LRRTM4: variants seen among roughly 807,000 people sequenced by gnomAD.
The protein encoded by LRRTM4 is leucine rich repeat transmembrane neuronal 4.
A neutral mutation model predicts 47.6 loss-of-function variants in LRRTM4; 25 were observed. The observed-to-expected ratio is 0.53, with a 90% CI of 0.38 to 0.73. The LOEUF is 0.73. Ranked by LOEUF, LRRTM4 falls within the 30% of genes least tolerant of loss-of-function variation. The pLI is 0.00. For missense variants in LRRTM4, 638 were observed against 713.4 expected (o/e 0.89, Z 1.20); for synonymous variants, 311 against 269.5 (o/e 1.15, Z -1.51).
chr2:77,395,226 T>C (rs541093594), intron 3 of LRRTM4, among the ~76,000 whole-genome samples: 3 of 152,064 alleles, frequency 2.0e-5, no homozygotes, highest in East Asian at 1.9e-4. Context: ...TGACCTCTCA[T>C]CCTGTCATGG....
rs571767194 is a variant in LRRTM4 at position 77,172,532 on chromosome 2, T to C, written c.1551+345786A>G. 1.5e-4 allele frequency among the ~76,000 whole-genome samples: 23 copies of C among 152,264 alleles called. No individual in the cohort carries two copies. In the South Asian group the frequency reaches 2.1e-3, roughly 14 times the overall value. ...TTGCTTGAATTTGTGAGGTGGAGGT[T>C]GCAGTGAGCCAAGTCGTGCCACTGC... On this transcript the variant is annotated intron_variant, in intron 3 of 3. Transcript: ENST00000409884.
chr2:77,234,068 C>T (rs76654839), intron 3 of LRRTM4, among the ~76,000 whole-genome samples: 4,222 of 152,220 alleles, frequency 0.028, 220 homozygotes, highest in African/African-American at 0.095. Context: ...CAGGTGTGAG[C>T]CACCACTCTC....
At chr2:77,396,599 T>A (rs1229699024) in intron 3 of LRRTM4, among the ~76,000 whole-genome samples, 1 of 151,986 alleles carries the variant, frequency 6.6e-6, no homozygotes, top group African/African-American at 2.4e-5. Flanking sequence ...TCCCTCATTA[T>A]ATCTTTCACT....
At chr2:76,898,721 C>A (rs1673511887) in intron 3 of LRRTM4, among the ~76,000 whole-genome samples, 1 of 151,036 alleles carries the variant, frequency 6.6e-6, no homozygotes, top group Admixed American at 6.6e-5. Flanking sequence ...AAAATATCTA[C>A]TATATCTAAA....
In LRRTM4 at chr2:77,373,086, A is replaced by ATATATATATATATAT. The variant is rs1553435858; in HGVS notation, c.1551+145231_1551+145232insATATATATATATATA. Among the ~76,000 whole-genome samples the ATATATATATATATAT allele has an allele frequency of 2.3e-4, 30 of 130,092 alleles. No individual in the cohort carries two copies. The South Asian group carries it at 4.6e-3, about 20-fold the overall frequency. 85.3% of individuals were successfully genotyped at this position (130,092 alleles called of 152,430 possible). On this transcript the variant is annotated intron_variant, in intron 3 of 3. Coordinates refer to ENST00000409884, the MANE Select transcript of LRRTM4 (RefSeq NM_001134745.3). ...CAAAAGCAAACCAACAATTAAAAAA[A>ATATATATATATATAT]AAATATATATATATATATATATACG...
At chr2:76,890,174 G>A (rs1673206636) in intron 3 of LRRTM4, among the ~76,000 whole-genome samples, 1 of 151,974 alleles carries the variant, frequency 6.6e-6, no homozygotes, top group South Asian at 2.1e-4. Flanking sequence ...ATAATTTTAT[G>A]CTGAGAATGC....
intron 3 of LRRTM4, among the ~76,000 whole-genome samples, chr2:77,207,372 T>TATATATATATACACACACACACAC: frequency 7.6e-6 from 1 of 131,110 alleles, no homozygotes; most frequent in East Asian, 2.7e-4. Flanking sequence ...TATATATATA[T>TATATATATATACACACACACACAC]ACACACACAC....
In LRRTM4 at chr2:76,906,549, G is replaced by A. The variant is rs141997521; in HGVS notation, c.1552-157633C>T. ...ATGCTCCAATCAAAAGACACAGACT[G>A]GCAAATTGGATAAAGAGTCAAGACC... is the stretch of plus-strand genomic sequence containing the variant. On this transcript the variant is annotated intron_variant, in intron 3 of 3. Coordinates refer to ENST00000409884, the MANE Select transcript of LRRTM4 (RefSeq NM_001134745.3). 8.3e-3 allele frequency among the ~76,000 whole-genome samples: 1,265 copies of A among 152,202 alleles called. 13 individuals carry two copies. The highest frequency in any genetic ancestry group is 0.029 in the African/African-American group (1,187 of 41,512).
intron 3 of LRRTM4, among the ~76,000 whole-genome samples, chr2:77,137,333 G>A (rs902263152): frequency 9.4e-4 from 142 of 151,846 alleles, no homozygotes; most frequent in Non-Finnish European, 2.8e-4. Context: ...CATTCTTAAA[G>A]AAAACAATTT....
intron 3 of LRRTM4, among the ~76,000 whole-genome samples, chr2:77,392,969 T>C (rs1447942316): frequency 6.6e-6 from 1 of 152,040 alleles, no homozygotes; most frequent in Non-Finnish European, 1.5e-5. Flanking sequence ...TGAAACATCA[T>C]GTATGCCATA....
At chr2:76,861,230 G>C (rs528046390) in intron 3 of LRRTM4, among the ~76,000 whole-genome samples, 1 of 152,166 alleles carries the variant, frequency 6.6e-6, no homozygotes, top group East Asian at 1.9e-4. Context: ...TCTAATTTAT[G>C]TTCTTTATAT....
intron 3 of LRRTM4, among the ~76,000 whole-genome samples, chr2:77,221,773 C>T (rs1674640275): frequency 6.6e-6 from 1 of 152,062 alleles, no homozygotes; most frequent in African/African-American, 2.4e-5. Flanking sequence ...TTTAACACCC[C>T]ACTGTCAACA....
chr2:77,169,037 A>G (rs1438459539), intron 3 of LRRTM4, among the ~76,000 whole-genome samples: 1 of 152,162 alleles, frequency 6.6e-6, no homozygotes, highest in African/African-American at 2.4e-5. Context: ...TCCTTTTATG[A>G]TAAAAAACTC....
At chr2:77,337,989 T>C (rs1156885325) in intron 3 of LRRTM4, among the ~76,000 whole-genome samples, 1 of 151,908 alleles carries the variant, frequency 6.6e-6, no homozygotes, top group Non-Finnish European at 1.5e-5. Flanking sequence ...TAAGCAATGG[T>C]GAAAGGAATC....
At chr2:77,243,036 C>T (rs1675313025) in intron 3 of LRRTM4, among the ~76,000 whole-genome samples, 1 of 151,968 alleles carries the variant, frequency 6.6e-6, no homozygotes, top group South Asian at 2.1e-4. Context: ...AAATAACATT[C>T]AATATTAAAA....
chr2:76,993,481 A>T (rs943139947), intron 3 of LRRTM4, among the ~76,000 whole-genome samples: 7 of 151,996 alleles, frequency 4.6e-5, no homozygotes, highest in South Asian at 2.1e-4. Flanking sequence ...GAAAACATAC[A>T]TTTGGCTTAC....
intron 3 of LRRTM4, among the ~76,000 whole-genome samples, chr2:76,896,890 T>C (rs190170577): frequency 6.7e-6 from 1 of 149,924 alleles, no homozygotes; most frequent in Non-Finnish European, 1.5e-5. Flanking sequence ...GTAACACAAC[T>C]TCTATCAAAC....
chr2:77,407,092 A>G (rs1338228673), intron 3 of LRRTM4, among the ~76,000 whole-genome samples: 2 of 152,288 alleles, frequency 1.3e-5, no homozygotes, highest in South Asian at 2.1e-4. Flanking sequence ...GAACTCACTT[A>G]TAATTAGAAG....
chr2:77,129,583 T>G (rs2103972202), intron 3 of LRRTM4, among the ~76,000 whole-genome samples: 1 of 152,320 alleles, frequency 6.6e-6, no homozygotes, highest in East Asian at 1.9e-4. Context: ...TATCAGTAAA[T>G]GCATCCCATT....
Sources: allele counts gnomAD v4.1 joint callset (sites outside exome capture counted in the v4.1 genomes callset), GRCh38; gene constraint gnomAD v4.1.1; transcripts MANE v1.5; gene names NCBI Gene and HGNC (gene_info 2026-07-23, HGNC 2026-07-21).